MSI2: variants seen among roughly 807,000 people sequenced by gnomAD.
MSI2 encodes RNA-binding protein Musashi homolog 2.
Under a neutral mutation model 45.6 loss-of-function variants are expected in MSI2, and 17 were observed. The ratio of observed to expected loss-of-function variants is 0.37; its 90% confidence interval spans 0.26 to 0.56. MSI2 has a LOEUF of 0.56. MSI2 is among the 20% of genes least tolerant of loss of function. The pLI is 0.77. For missense variants in MSI2, 293 were observed against 444.2 expected, an observed-to-expected ratio of 0.66 and a Z score of 3.06; for synonymous variants, 156 against 158.2, an observed-to-expected ratio of 0.99 and a Z score of 0.11.
chr17:57,505,279 C>T (rs151088542), intron 6 of MSI2, among the ~76,000 whole-genome samples: 91 of 151,958 alleles, frequency 6.0e-4, no homozygotes, highest in African/African-American at 2.1e-3. Flanking sequence ...GCTCAGATGG[C>T]GAGGGTGGGG....
chr17:57,517,599 TCTAACTC>T (rs568009563), intron 6 of MSI2, among the ~76,000 whole-genome samples: 13 of 152,280 alleles, frequency 8.5e-5, no homozygotes, highest in Non-Finnish European at 1.6e-4. Flanking sequence ...TTGGGTCACT[TCTAACTC>T]CTGAGTCTGT....
intron 5 of MSI2, among the ~76,000 whole-genome samples, chr17:57,380,138 CCT>C (rs2083574157): frequency 6.6e-6 from 1 of 152,082 alleles, no homozygotes; most frequent in Admixed American, 6.5e-5. Context: ...ACTGTTTCCA[CCT>C]CTCCCCTCTT....
intron 5 of MSI2, among the ~76,000 whole-genome samples, chr17:57,302,041 G>C (rs190622026): frequency 6.6e-6 from 1 of 152,050 alleles, no homozygotes; most frequent in African/African-American, 2.4e-5. Context: ...GTGGAATCTC[G>C]TTGTGGTTTT....
intron 8 of MSI2, among the ~76,000 whole-genome samples, chr17:57,614,785 C>G (rs374154336): frequency 6.6e-6 from 1 of 152,150 alleles, no homozygotes; most frequent in Admixed American, 6.5e-5. Flanking sequence ...AAGGAGCTTC[C>G]GAGGGCCACA....
chr17:57,668,446 C>G (rs1295986756), intron 11 of MSI2, among the ~76,000 whole-genome samples: 1 of 152,138 alleles, frequency 6.6e-6, no homozygotes, highest in Non-Finnish European at 1.5e-5. Context: ...CTACTTGAGA[C>G]AGGCCAACAT....
intron 8 of MSI2, among the ~76,000 whole-genome samples, chr17:57,606,997 A>G (rs2144518599): frequency 6.6e-6 from 1 of 152,162 alleles, no homozygotes; most frequent in East Asian, 1.9e-4. Context: ...ACCTTGGGCA[A>G]GTCATTCCTT....
chr17:57,338,058 C>T (rs1364393871), intron 5 of MSI2, among the ~76,000 whole-genome samples: 1 of 151,970 alleles, frequency 6.6e-6, no homozygotes, highest in Non-Finnish European at 1.5e-5. Flanking sequence ...TATACCTTAC[C>T]GCCAAGGACG....
chr17:57,424,573 C>T (rs1410432595), intron 6 of MSI2, among the ~76,000 whole-genome samples: 1 of 152,304 alleles, frequency 6.6e-6, no homozygotes, highest in East Asian at 1.9e-4. Flanking sequence ...CTCCTGGAGT[C>T]TGTGTGGTGT....
chr17:57,465,588 T>G (rs2085315287), intron 6 of MSI2, among the ~76,000 whole-genome samples: 1 of 152,154 alleles, frequency 6.6e-6, no homozygotes, highest in African/African-American at 2.4e-5. Flanking sequence ...ATGCCAGGCA[T>G]TATGCTAATA....
rs776899418 is a variant in MSI2 at position 57,616,136 on chromosome 17, C to T, written c.652+52C>T. The T allele has an allele frequency of 1.1e-4, 161 of 1,431,648 alleles. 1 individual carries two copies. In the South Asian group the frequency reaches 1.8e-3, roughly 16 times the overall value. 88.7% of individuals were successfully genotyped at this position (1,431,648 alleles called of 1,614,324 possible). A position where few individuals can be genotyped will look rare whatever the true frequency, so the allele number is the denominator to read the frequency against. On this transcript the variant is annotated intron_variant, in intron 9 of 13. Transcript: ENST00000284073. ...CCATGGACTGGGAGGGCTATGGAGGCCTCTACTCCCAACTGGGTCACCTAC... is the reference window on the plus strand; with the variant it reads ...CCATGGACTGGGAGGGCTATGGAGGTCTCTACTCCCAACTGGGTCACCTAC...
intron 6 of MSI2, among the ~76,000 whole-genome samples, chr17:57,452,270 T>C (rs1390875879): frequency 6.6e-6 from 1 of 152,226 alleles, no homozygotes. Context: ...TCTTCTCTTC[T>C]CCACCAGGAG....
intron 5 of MSI2, among the ~76,000 whole-genome samples, chr17:57,302,476 C>T (rs1331292607): frequency 6.6e-6 from 1 of 152,202 alleles, no homozygotes; most frequent in Non-Finnish European, 1.5e-5. Context: ...CTGTCGAACA[C>T]TAAGACCTGT....
intron 8 of MSI2, among the ~76,000 whole-genome samples, chr17:57,605,511 G>A (rs1906459586): frequency 1.3e-5 from 2 of 152,054 alleles, no homozygotes; most frequent in Admixed American, 1.3e-4. Flanking sequence ...CAGCGTCCCC[G>A]TACTCCACCC....
chr17:57,542,841 G>T lies in MSI2; in HGVS notation c.454+13117G>T, dbSNP rs748366853. On this transcript the variant is annotated intron_variant, in intron 7 of 13. Transcript: ENST00000284073. ...ATGCCTCCTTCATGTGGGGCCCTTC[G>T]TGGGTGACTAGGTCAGCTCCATCCG... is the stretch of plus-strand genomic sequence containing the variant. Among the ~76,000 whole-genome samples the T allele has an allele frequency of 2.0e-5, 3 of 152,316 alleles. No individual in the cohort carries two copies. In the East Asian group the frequency reaches 5.8e-4, roughly 29 times the overall value.
intron 9 of MSI2, among the ~76,000 whole-genome samples, chr17:57,619,150 G>A (rs979482436): frequency 2.0e-5 from 3 of 152,174 alleles, no homozygotes; most frequent in East Asian, 3.8e-4. Flanking sequence ...CCCAGACTCC[G>A]AGCAAAGGCT....
chr17:57,670,197 A>G (rs543785296), intron 11 of MSI2, among the ~76,000 whole-genome samples: 24 of 152,344 alleles, frequency 1.6e-4, no homozygotes, highest in African/African-American at 5.5e-4. Context: ...GTCCAGTGAC[A>G]TCACTTAGGG....
chr17:57,577,187 G>C (rs1203527596), intron 7 of MSI2, among the ~76,000 whole-genome samples: 1 of 152,212 alleles, frequency 6.6e-6, no homozygotes, highest in Non-Finnish European at 1.5e-5. Context: ...AACCATGAGT[G>C]GCCGTTTGTG....
intron 6 of MSI2, among the ~76,000 whole-genome samples, chr17:57,458,930 A>G (rs17834337): frequency 0.07 from 10,619 of 152,246 alleles, 479 homozygotes; most frequent in Non-Finnish European, 0.11. Flanking sequence ...TGCTTTGGGT[A>G]ACTATGGCAG....
chr17:57,569,487 AC>A (rs1481641926), intron 7 of MSI2, among the ~76,000 whole-genome samples: 2 of 152,206 alleles, frequency 1.3e-5, no homozygotes, highest in African/African-American at 4.8e-5. Flanking sequence ...GCAGGAGTTC[AC>A]CTCAGAGTTT....
Sources: allele counts gnomAD v4.1 joint callset (sites outside exome capture counted in the v4.1 genomes callset), GRCh38; gene constraint gnomAD v4.1.1; transcripts MANE v1.5; gene names NCBI Gene and HGNC (gene_info 2026-07-23, HGNC 2026-07-21).